Variants in MTCL1 observed in about 807,000 individuals in gnomAD.
MTCL1 encodes the protein microtubule crosslinking factor 1.
In MTCL1, 79 loss-of-function variants were observed where a neutral mutation model predicts 141.4. The observed-to-expected ratio is 0.56, with a 90% confidence interval of 0.47 to 0.67. The LOEUF is 0.67. Ranked by LOEUF, MTCL1 falls within the 30% of genes least tolerant of loss-of-function variation. The pLI is 0.00. For missense variants in MTCL1, 2,177 were observed against 2,113.9 expected (o/e 1.03, Z -0.59); for synonymous variants, 914 against 875.8 (o/e 1.04, Z -0.77).
At chr18:8,718,056 G>T in intron 2 of MTCL1, 2 of 839,034 alleles carry the variant, frequency 2.4e-6, no homozygotes, top group Non-Finnish European at 3.1e-6. Flanking sequence ...TTAGTACCTA[G>T]ATTATGCCTT....
At chr18:8,812,202 G>A (rs1598770208) in intron 11 of MTCL1, among the ~76,000 whole-genome samples, 2 of 152,250 alleles carry the variant, frequency 1.3e-5, no homozygotes, top group Admixed American at 6.5e-5. Flanking sequence ...ATAGATCAAA[G>A]TGCCTGTTGG....
At chr18:8,729,413 A>C (rs1412461304) in intron 4 of MTCL1, among the ~76,000 whole-genome samples, 1 of 151,470 alleles carries the variant, frequency 6.6e-6, no homozygotes, top group Admixed American at 6.6e-5. Context: ...ATTAATTAAA[A>C]TTTTTTTAGA....
chr18:8,785,411 G>A (rs2096548975), intron 6 of MTCL1, among the ~76,000 whole-genome samples: 1 of 152,312 alleles, frequency 6.6e-6, no homozygotes, highest in Admixed American at 6.5e-5. Context: ...GATGGTTTTG[G>A]TGGAAAAGCT....
chr18:8,729,037 G>C (rs2096235488), intron 4 of MTCL1, among the ~76,000 whole-genome samples: 1 of 147,948 alleles, frequency 6.8e-6, no homozygotes. Flanking sequence ...CGCCCAGCTG[G>C]ATTGCTTGCT....
intron 4 of MTCL1, 25 bp downstream of exon 3, chr18:8,720,521 GC>G (rs1427976183): frequency 6.2e-7 from 1 of 1,605,584 alleles, no homozygotes; most frequent in African/African-American, 1.3e-5. Context: ...TGGGGGTCCT[GC>G]CCCCTTGGAT....
intron 11 of MTCL1, among the ~76,000 whole-genome samples, chr18:8,812,551 A>G (rs185658108): frequency 3.3e-5 from 5 of 152,374 alleles, no homozygotes; most frequent in Admixed American, 3.3e-4. Flanking sequence ...CATAAGATGT[A>G]GAATCTTGTT....
chr18:8,733,086 A>G (rs2096259029), intron 4 of MTCL1, among the ~76,000 whole-genome samples: 1 of 152,210 alleles, frequency 6.6e-6, no homozygotes, highest in Non-Finnish European at 1.5e-5. Context: ...TTGTTTTCGC[A>G]TCACACGTGG....
At chr18:8,757,412 C>A (rs577753031) in intron 4 of MTCL1, among the ~76,000 whole-genome samples, 69 of 152,224 alleles carry the variant, frequency 4.5e-4, no homozygotes, top group South Asian at 1.0e-3. Flanking sequence ...CCAAGGAGAC[C>A]CCCCAGACTT....
At chr18:8,769,440 A>G (rs761234379) in intron 4 of MTCL1, among the ~76,000 whole-genome samples, 6 of 152,142 alleles carry the variant, frequency 3.9e-5, no homozygotes, top group Non-Finnish European at 7.3e-5. Flanking sequence ...TTATTTTGCA[A>G]TGTTTGGTTC....
chr18:8,712,786 G>T (rs2096101944), upstream of MTCL1, among the ~76,000 whole-genome samples: 1 of 152,156 alleles, frequency 6.6e-6, no homozygotes, highest in African/African-American at 2.4e-5. Context: ...GGGAAATGAG[G>T]TGGATTATTC....
At chr18:8,800,553 G>A (rs2076084853) in intron 10 of MTCL1, 1 of 152,220 alleles carries the variant, frequency 6.6e-6, no homozygotes, top group African/African-American at 2.4e-5. Context: ...AGCCACGTGA[G>A]CTCGCAGTCA....
chr18:8,786,404 T>G, intron 7 of MTCL1: 2 of 568,944 alleles, frequency 3.5e-6, no homozygotes, highest in Non-Finnish European at 3.4e-6. Context: ...TGGCTTCTTG[T>G]CCAGTCGCAG....
chr18:8,705,606 C>CCGCCGCCGCCGT (rs1218361944), upstream of MTCL1: 16 of 1,198,714 alleles, frequency 1.3e-5, no homozygotes, highest in African/African-American at 1.7e-5. This position sits in a 1 kb window ranked among gnomAD's most constrained non-coding sequence, Gnocchi z 5.2. Context: ...GCCGCCGCCG[C>CCGCCGCCGCCGT]CGCCGTCGTC....
At chr18:8,804,685 C>G (rs1289156603) in intron 10 of MTCL1, among the ~76,000 whole-genome samples, 1 of 152,096 alleles carries the variant, frequency 6.6e-6, no homozygotes. Flanking sequence ...AACAAACTGG[C>G]CTTTCTACTC....
At chr18:8,777,437 A>G (rs1039678891) in intron 4 of MTCL1, among the ~76,000 whole-genome samples, 8 of 152,190 alleles carry the variant, frequency 5.3e-5, no homozygotes, top group African/African-American at 1.4e-4. Flanking sequence ...ACAAAACATG[A>G]TTTGGAACGT....
intron 14 of MTCL1, among the ~76,000 whole-genome samples, chr18:8,823,161 C>T (rs1000561895): frequency 2.0e-5 from 3 of 152,208 alleles, no homozygotes; most frequent in East Asian, 3.9e-4. Context: ...CTTCGTTCCA[C>T]CTGCAAGCGC....
At chr18:8,780,847 G>A (rs1460556641) in intron 5 of MTCL1, among the ~76,000 whole-genome samples, 2 of 152,108 alleles carry the variant, frequency 1.3e-5, no homozygotes, top group Non-Finnish European at 2.9e-5. Flanking sequence ...GTACATACTA[G>A]GTACTTAATA....
exon 7 of MTCL1, chr18:8,785,993 G>C (rs1320716979): frequency 6.2e-7 from 1 of 1,607,600 alleles, no homozygotes; most frequent in Non-Finnish European, 8.5e-7. Context: ...GGACGAGCGG[G>C]AGAGCCTGCG....
chr18:8,826,351 T>A lies in MTCL1; in HGVS notation c.4722+119T>A. The A allele has an allele frequency of 7.9e-6, 8 of 1,018,318 alleles. No individual in the cohort carries two copies. The South Asian group carries it at 1.5e-4, about 19-fold the overall frequency. The allele number at this position is 1,018,318 out of a possible 1,614,324, so 63.1% of individuals were successfully genotyped here. A position where few individuals can be genotyped will look rare whatever the true frequency, so the allele number is the denominator to read the frequency against. ...ATCTCAGGAATCGTCCATGATTGGT[T>A]ATTGGGAGCTGGGGAGGTGTTAGGT... On this transcript the variant is annotated intron_variant, in intron 15 of 16. Coordinates refer to ENST00000359865, the Ensembl canonical transcript of MTCL1.
Sources: allele counts gnomAD v4.1 joint callset (sites outside exome capture counted in the v4.1 genomes callset), GRCh38; gene constraint gnomAD v4.1.1; non-coding constraint Gnocchi (gnomAD v3.1); transcripts MANE v1.5; gene names NCBI Gene and HGNC (gene_info 2026-07-23, HGNC 2026-07-21).